The following IRAG2 variants were observed in gnomAD, a reference collection of about 807,000 sequenced individuals.
IRAG2 encodes the protein lymphoid restricted membrane protein.
IRAG2 carries 45 observed loss-of-function variants against 69.9 expected under a neutral mutation model. The ratio of observed to expected loss-of-function variants is 0.64; its 90% CI spans 0.51 to 0.83. The LOEUF (loss-of-function observed/expected upper bound fraction) is 0.83. IRAG2 is among the 40% of genes least tolerant of loss of function. The pLI is 0.00. For missense variants in IRAG2, 520 were observed against 587.0 expected (o/e 0.89, Z 1.18); for synonymous variants, 193 against 202.4 (o/e 0.95, Z 0.40).
intron 1 of IRAG2, among the ~76,000 whole-genome samples, chr12:25,057,965 A>G (rs1945382850): frequency 6.6e-6 from 1 of 152,174 alleles, no homozygotes; most frequent in Admixed American, 6.5e-5. Context: ...CCTTGTATGA[A>G]TATTCCAAAA....
At chr12:25,077,145 A>C (rs1313396507) in intron 6 of IRAG2, among the ~76,000 whole-genome samples, 4 of 126,170 alleles carry the variant, frequency 3.2e-5, no homozygotes, top group African/African-American at 1.2e-4. Context: ...TTGAGATTGC[A>C]GGCGTGTGCC....
At chr12:25,089,048 T>C (rs760637575) in intron 11 of IRAG2, among the ~76,000 whole-genome samples, 1 of 152,202 alleles carries the variant, frequency 6.6e-6, no homozygotes, top group Non-Finnish European at 1.5e-5. Flanking sequence ...ACCAAGTTTG[T>C]TTGACTTTAA....
chr12:25,084,654 CAAGTT>C (rs1052460839), intron 10 of IRAG2, among the ~76,000 whole-genome samples: 6 of 151,780 alleles, frequency 4.0e-5, no homozygotes, highest in Non-Finnish European at 5.9e-5. Context: ...CAAGCTAACT[CAAGTT>C]AAGAGGAGGC....
chr12:25,070,888 T>C (rs969257658), intron 6 of IRAG2, among the ~76,000 whole-genome samples: 3 of 152,250 alleles, frequency 2.0e-5, no homozygotes, highest in Non-Finnish European at 4.4e-5. Context: ...TGATTAATAA[T>C]GAACATCTTT....
chr12:25,091,298 G>A (rs1948041801), intron 14 of IRAG2, among the ~76,000 whole-genome samples: 1 of 152,088 alleles, frequency 6.6e-6, no homozygotes, highest in African/African-American at 2.4e-5. Flanking sequence ...TTATCCTACT[G>A]ACTCTATGAA....
intron 6 of IRAG2, among the ~76,000 whole-genome samples, chr12:25,074,845 A>G (rs928553082): frequency 6.6e-6 from 1 of 152,218 alleles, no homozygotes; most frequent in African/African-American, 2.4e-5. Flanking sequence ...AAGATGTACT[A>G]TCACTGGGAG....
intron 9 of IRAG2, among the ~76,000 whole-genome samples, chr12:25,080,342 C>A (rs1164443638): frequency 1.3e-5 from 2 of 149,220 alleles, no homozygotes; most frequent in African/African-American, 5.0e-5. Context: ...AAAATTCATT[C>A]TTTTTCTTTT....
At chr12:25,095,083 T>C (rs1948333546) in intron 14 of IRAG2, among the ~76,000 whole-genome samples, 1 of 152,174 alleles carries the variant, frequency 6.6e-6, no homozygotes, top group South Asian at 2.1e-4. Context: ...TGCCTAATTG[T>C]TCTGGCTAGA....
chr12:25,000,336 A>G (rs116800187), upstream of IRAG2, among the ~76,000 whole-genome samples: 3,280 of 152,232 alleles, frequency 0.022, 129 homozygotes, highest in African/African-American at 0.074. Context: ...GATCCTAGCT[A>G]TTGAGGAAGC....
intron 6 of IRAG2, among the ~76,000 whole-genome samples, chr12:25,078,044 C>T (rs940999277): frequency 2.0e-5 from 3 of 152,162 alleles, no homozygotes; most frequent in Non-Finnish European, 2.9e-5. Context: ...GGAGAAGACA[C>T]TGTATTTAGT....
chr12:25,095,491 A>G (rs1449477355), intron 14 of IRAG2, among the ~76,000 whole-genome samples: 1 of 152,158 alleles, frequency 6.6e-6, no homozygotes, highest in East Asian at 1.9e-4. Flanking sequence ...ATAGAAATAA[A>G]TCCTACTTGT....
Position 25,079,248 on chromosome 12 carries a change from A to G in IRAG2, c.29A>G (p.Asn10Ser), listed in dbSNP as rs1234254479. 1.2e-6 allele frequency: 2 copies of G among 1,614,122 alleles called. No individual in the cohort carries two copies. The highest frequency in any genetic ancestry group is 1.1e-5 in the South Asian group (1 of 91,082). The change falls in exon 7 of 22, where the codon AAT becomes AGT. Residue 10 changes from asparagine to serine, a missense_variant. Transcript: ENST00000556887. The stretch of plus-strand genomic sequence containing the variant: ...TCTCCTTTCTTTTTCCTTAAGGAGA[A>G]TGGTGTTGAACGCGTGTGTCCTGAG... MNDDPSMEE[N>S]GVERVCPESL...
intron 13 of IRAG2, 103 bp downstream of exon 13, chr12:25,089,893 G>T: frequency 1.5e-6 from 2 of 1,356,170 alleles, no homozygotes; most frequent in South Asian, 2.4e-5. Flanking sequence ...CTCGGTGTCT[G>T]TTTGGCTTGG....
At position 25,108,318 on chromosome 12, in the gene IRAG2, G is replaced by GAATC; in HGVS notation, c.*260_*263dup. 1 of 539,540 alleles carries GAATC rather than the reference G, an allele frequency of 1.9e-6. No individual in the cohort carries two copies. Among genetic ancestry groups the GAATC allele is most frequent in the Non-Finnish European group, 3.1e-6 (1 of 317,630 alleles). 33.4% of individuals were successfully genotyped at this position (539,540 alleles called of 1,614,324 possible). On this transcript the variant is annotated 3_prime_UTR_variant, in exon 22 of 22. Transcript: ENST00000556887. ...GTTTGTTAAAGTTTATTGAAATAAA[G>GAATC]AATCATTTAAATCTTCATAGAGTGA...
At chr12:25,031,953 C>T (rs1944671300) in intron 10 of IRAG2, among the ~76,000 whole-genome samples, 1 of 152,214 alleles carries the variant, frequency 6.6e-6, no homozygotes, top group Non-Finnish European at 1.5e-5. Flanking sequence ...TGAGCCACCA[C>T]GCCCAGCCGT....
intron 2 of IRAG2, among the ~76,000 whole-genome samples, chr12:25,007,018 A>G (rs1193402900): frequency 6.6e-6 from 1 of 152,252 alleles, no homozygotes; most frequent in Non-Finnish European, 1.5e-5. Flanking sequence ...CTTGTTGTAT[A>G]TCTTTCCACA....
At chr12:25,084,983 G>A (rs2140137742) in intron 10 of IRAG2, among the ~76,000 whole-genome samples, 1 of 152,356 alleles carries the variant, frequency 6.6e-6, no homozygotes, top group African/African-American at 2.4e-5. Flanking sequence ...CCCCTAGGGG[G>A]AACATGCAGA....
At chr12:25,053,820 C>G (rs1945032372) in intron 1 of IRAG2, among the ~76,000 whole-genome samples, 1 of 151,042 alleles carries the variant, frequency 6.6e-6, no homozygotes, top group Admixed American at 6.6e-5. Flanking sequence ...AATATATAAG[C>G]TTAAGGTAGG....
intron 10 of IRAG2, among the ~76,000 whole-genome samples, chr12:25,086,127 C>T (rs1248348450): frequency 6.6e-6 from 1 of 152,108 alleles, no homozygotes; most frequent in Non-Finnish European, 1.5e-5. Flanking sequence ...AATAATGGAT[C>T]AATTTGCCAT....
Sources: gnomAD v4.1 joint callset for allele counts (sites outside exome capture counted in the v4.1 genomes callset) on GRCh38, gnomAD v4.1.1 for gene constraint, MANE v1.5 for transcripts, NCBI Gene and HGNC (gene_info 2026-07-23, HGNC 2026-07-21) for gene names.